CCSER1: variants seen among roughly 807,000 people sequenced by gnomAD.
CCSER1 encodes the protein coiled-coil serine rich protein 1.
CCSER1 carries 41 observed loss-of-function variants against 82.0 expected under a neutral mutation model. That is an observed-to-expected ratio of 0.50 (90% CI 0.39 to 0.65). The LOEUF (loss-of-function observed/expected upper bound fraction) is 0.65. Among genes scored for constraint, CCSER1 ranks in the 30% least tolerant of loss-of-function variants. The probability of loss-of-function intolerance (pLI) is 0.00; values close to 1 mark genes in which losing one functional copy is unlikely to be tolerated. For missense variants in CCSER1, 1,119 were observed against 1,064.2 expected (o/e 1.05, Z -0.72); for synonymous variants, 414 against 383.9 (o/e 1.08, Z -0.92).
At chr4:90,519,793 A>T (rs1365426489) in intron 5 of CCSER1, among the ~76,000 whole-genome samples, 1 of 152,068 alleles carries the variant, frequency 6.6e-6, no homozygotes, top group Non-Finnish European at 1.5e-5. Flanking sequence ...GAAGCAAAAG[A>T]TCATTTACAT....
chr4:90,958,355 G>A (rs1287656787), intron 9 of CCSER1, among the ~76,000 whole-genome samples: 1 of 152,186 alleles, frequency 6.6e-6, no homozygotes, highest in Non-Finnish European at 1.5e-5. Flanking sequence ...TAATAAAACA[G>A]TAAAGTAATA....
At chr4:90,701,560 A>G (rs1017604723) in intron 6 of CCSER1, among the ~76,000 whole-genome samples, 1 of 152,162 alleles carries the variant, frequency 6.6e-6, no homozygotes, top group Non-Finnish European at 1.5e-5. Context: ...CATTGAATCT[A>G]TAAATTACCT....
chr4:91,194,875 A>C (rs909258441), intron 10 of CCSER1, among the ~76,000 whole-genome samples: 1 of 152,220 alleles, frequency 6.6e-6, no homozygotes, highest in Admixed American at 6.5e-5. Context: ...AGTCTTTAAC[A>C]GAGGAAAATC....
At chr4:90,634,457 C>G (rs534579027) in intron 6 of CCSER1, among the ~76,000 whole-genome samples, 2 of 151,288 alleles carry the variant, frequency 1.3e-5, no homozygotes, top group African/African-American at 4.8e-5. Flanking sequence ...TTTTTTTCAG[C>G]GTAATTTGCA....
intron 8 of CCSER1, among the ~76,000 whole-genome samples, chr4:90,915,957 G>T (rs1425934895): frequency 6.6e-6 from 1 of 151,992 alleles, no homozygotes; most frequent in Non-Finnish European, 1.5e-5. Context: ...CAACTTACAA[G>T]GGGTGTGAAG....
At chr4:90,755,289 G>T (rs1749323641) in intron 7 of CCSER1, among the ~76,000 whole-genome samples, 1 of 152,076 alleles carries the variant, frequency 6.6e-6, no homozygotes. Context: ...TGTTTTTTGT[G>T]GAACTTATTC....
intron 10 of CCSER1, among the ~76,000 whole-genome samples, chr4:91,548,507 G>A (rs183478827): frequency 2.0e-5 from 3 of 150,776 alleles, no homozygotes; most frequent in Non-Finnish European, 4.4e-5. Context: ...TTCTCTTTGG[G>A]CAACTTATTT....
intron 9 of CCSER1, among the ~76,000 whole-genome samples, chr4:91,069,179 AAAT>A (rs1244685973): frequency 6.6e-6 from 1 of 151,728 alleles, no homozygotes; most frequent in Admixed American, 6.6e-5. Context: ...AATAAATAAA[AAAT>A]AAAAATTTTG....
intron 9 of CCSER1, among the ~76,000 whole-genome samples, chr4:90,981,060 G>T (rs1736069381): frequency 6.6e-6 from 1 of 151,762 alleles, no homozygotes. Context: ...TCTAGGGAAA[G>T]CCCTCAAACA....
intron 5 of CCSER1, among the ~76,000 whole-genome samples, chr4:90,571,513 A>G (rs1015257680): frequency 8.5e-5 from 13 of 152,330 alleles, no homozygotes; most frequent in African/African-American, 3.1e-4. Context: ...CAAATACCAC[A>G]TATTCTTATG....
chr4:91,225,094 A>G (rs2149105800), intron 10 of CCSER1, among the ~76,000 whole-genome samples: 1 of 148,302 alleles, frequency 6.7e-6, no homozygotes, highest in Admixed American at 6.8e-5. Context: ...TATCACAGTA[A>G]GGTAGAATTC....
intron 9 of CCSER1, among the ~76,000 whole-genome samples, chr4:90,968,817 A>G (rs1734813922): frequency 6.6e-6 from 1 of 151,984 alleles, no homozygotes; most frequent in South Asian, 2.1e-4. Flanking sequence ...ATAGTTTTCC[A>G]CTAACCAACC....
intron 5 of CCSER1, among the ~76,000 whole-genome samples, chr4:90,507,925 A>G (rs1770941119): frequency 6.6e-6 from 1 of 151,878 alleles, no homozygotes; most frequent in African/African-American, 2.4e-5. Context: ...TAGATATTTT[A>G]TATTTTATAT....
chr4:90,435,131 A>T (rs1448950890), intron 4 of CCSER1, among the ~76,000 whole-genome samples: 1 of 152,172 alleles, frequency 6.6e-6, no homozygotes, highest in Non-Finnish European at 1.5e-5. Context: ...CCTCAGCTTT[A>T]CTAACTCAGA....
At chr4:90,366,909 T>C (rs1055825766) in intron 3 of CCSER1, among the ~76,000 whole-genome samples, 1 of 151,796 alleles carries the variant, frequency 6.6e-6, no homozygotes, top group African/African-American at 2.4e-5. Flanking sequence ...TAATAAAAGG[T>C]ATGTATAACT....
At chr4:91,156,905 A>G (rs564072842) in intron 10 of CCSER1, among the ~76,000 whole-genome samples, 1 of 152,012 alleles carries the variant, frequency 6.6e-6, no homozygotes, top group Admixed American at 6.6e-5. Flanking sequence ...TCATTGGGAC[A>G]TACTCTTATA....
chr4:90,930,766 A>T (rs1729649213), intron 9 of CCSER1, among the ~76,000 whole-genome samples: 1 of 151,762 alleles, frequency 6.6e-6, no homozygotes, highest in Non-Finnish European at 1.5e-5. Context: ...ATCTGTATGA[A>T]GCTAAGTTCT....
At chr4:90,723,494 A>G (rs1004599208) in intron 6 of CCSER1, among the ~76,000 whole-genome samples, 5 of 151,944 alleles carry the variant, frequency 3.3e-5, no homozygotes, top group Admixed American at 6.6e-5. Context: ...GGTTGCAATG[A>G]TTTAAATCTT....
chr4:91,151,415 A>G (rs1730188315), intron 10 of CCSER1, among the ~76,000 whole-genome samples: 1 of 152,038 alleles, frequency 6.6e-6, no homozygotes, highest in Admixed American at 6.6e-5. Context: ...CTTTTCAAAA[A>G]ACCAGCTCCT....
Sources: gnomAD v4.1 joint callset for allele counts (sites outside exome capture counted in the v4.1 genomes callset) on GRCh38, gnomAD v4.1.1 for gene constraint, MANE v1.5 for transcripts, NCBI Gene and HGNC (gene_info 2026-07-23, HGNC 2026-07-21) for gene names.